SLC35D4: variants seen among roughly 807,000 people sequenced by gnomAD.
SLC35D4 encodes UDP-N-acetylglucosamine transporter SLC35D4.
the SLC35D4 span, among the ~76,000 whole-genome samples, chr18:23,340,473 G>A: frequency 2.0e-5 from 3 of 152,182 alleles, no homozygotes; most frequent in South Asian, 4.1e-4. Flanking sequence ...TTGAGGAGGT[G>A]CTTGTTCACA....
At chr18:23,253,925 C>T in the SLC35D4 span, 1 of 1,613,902 alleles carries the variant, frequency 6.2e-7, no homozygotes, top group African/African-American at 1.3e-5. Flanking sequence ...CGAAGTCAAG[C>T]ATTTAATTGA....
chr18:23,258,543 A>T, the SLC35D4 span: 1 of 152,186 alleles, frequency 6.6e-6, no homozygotes, highest in African/African-American at 2.4e-5. Flanking sequence ...GAGGCATGTC[A>T]CCACACTGTC....
chr18:23,409,346 C>T, the SLC35D4 span, among the ~76,000 whole-genome samples: 2 of 152,162 alleles, frequency 1.3e-5, no homozygotes, highest in South Asian at 2.1e-4. Flanking sequence ...TTATTTACAA[C>T]CTGCTTCACT....
At chr18:23,385,695 TG>T in the SLC35D4 span, among the ~76,000 whole-genome samples, 1 of 152,124 alleles carries the variant, frequency 6.6e-6, no homozygotes, top group African/African-American at 2.4e-5. Context: ...GGAAACAGGA[TG>T]GTTCTGAGGG....
chr18:23,421,449 A>T, the SLC35D4 span: 1 of 1,613,952 alleles, frequency 6.2e-7, no homozygotes, highest in Non-Finnish European at 8.5e-7. Flanking sequence ...TGCCACCTGG[A>T]AAGGACAAGG....
the SLC35D4 span, among the ~76,000 whole-genome samples, chr18:23,288,815 G>A: frequency 6.6e-6 from 1 of 152,238 alleles, no homozygotes; most frequent in Middle Eastern, 3.4e-3. Flanking sequence ...TTGGTATTCA[G>A]TGAAACCTTT....
At chr18:23,276,195 C>CT in the SLC35D4 span, among the ~76,000 whole-genome samples, 1 of 151,920 alleles carries the variant, frequency 6.6e-6, no homozygotes. Context: ...TCACGCCATT[C>CT]TCCTGCCTCA....
the SLC35D4 span, chr18:23,253,116 C>T: frequency 1.0e-6 from 1 of 1,001,392 alleles, no homozygotes; most frequent in South Asian, 1.3e-5. Flanking sequence ...ACCCCTCTTT[C>T]CACACACCGT....
the SLC35D4 span, among the ~76,000 whole-genome samples, chr18:23,429,127 A>G: frequency 3.9e-5 from 6 of 152,276 alleles, no homozygotes; most frequent in African/African-American, 1.4e-4. Flanking sequence ...TGTCTTTGTT[A>G]TTATGCATAG....
the SLC35D4 span, among the ~76,000 whole-genome samples, chr18:23,271,948 T>G: frequency 6.6e-6 from 1 of 152,288 alleles, no homozygotes; most frequent in Middle Eastern, 3.4e-3. Flanking sequence ...GCCCTATGTA[T>G]TTCTTCCATC....
At chr18:23,431,687 T>C in the SLC35D4 span, among the ~76,000 whole-genome samples, 2 of 152,336 alleles carry the variant, frequency 1.3e-5, no homozygotes, top group East Asian at 1.9e-4. Context: ...TTACGGACTT[T>C]TTTTAAACCA....
At chr18:23,275,452 T>C in the SLC35D4 span, among the ~76,000 whole-genome samples, 1 of 152,002 alleles carries the variant, frequency 6.6e-6, no homozygotes, top group Non-Finnish European at 1.5e-5. Context: ...AAACCCGAGG[T>C]GATCATTCAC....
chr18:23,361,007 C>T, the SLC35D4 span, among the ~76,000 whole-genome samples: 1 of 141,024 alleles, frequency 7.1e-6, no homozygotes, highest in African/African-American at 2.6e-5. Flanking sequence ...GAGGCTGACA[C>T]AGGAGAATCA....
At chr18:23,380,993 T>A in the SLC35D4 span, among the ~76,000 whole-genome samples, 1 of 152,348 alleles carries the variant, frequency 6.6e-6, no homozygotes, top group African/African-American at 2.4e-5. Context: ...TGGTAACATT[T>A]AACAGTCTGT....
the SLC35D4 span, among the ~76,000 whole-genome samples, chr18:23,357,939 A>G: frequency 9.6e-4 from 147 of 152,360 alleles, 1 homozygote; most frequent in Non-Finnish European, 1.5e-3. Context: ...GAATAGCTCT[A>G]CTGTCAAACC....
chr18:23,362,769 T>G, the SLC35D4 span, among the ~76,000 whole-genome samples: 2 of 152,226 alleles, frequency 1.3e-5, no homozygotes, highest in African/African-American at 4.8e-5. Context: ...GTCACATCAC[T>G]TAACTCCTCA....
the SLC35D4 span, among the ~76,000 whole-genome samples, chr18:23,402,409 A>C: frequency 6.6e-6 from 1 of 152,244 alleles, no homozygotes. Context: ...AACGGACACC[A>C]GTCAACAATC....
chr18:23,344,025 A>G, the SLC35D4 span, among the ~76,000 whole-genome samples: 18 of 151,912 alleles, frequency 1.2e-4, no homozygotes, highest in Middle Eastern at 3.4e-3. Context: ...CAGCCTCCAG[A>G]GTAGCTGGGA....
chr18:23,255,278 T>G, the SLC35D4 span, among the ~76,000 whole-genome samples: 3 of 152,222 alleles, frequency 2.0e-5, no homozygotes, highest in Admixed American at 1.3e-4. Flanking sequence ...TATCAAAGCA[T>G]CAGAATACAG....
Sources: gnomAD v4.1 joint callset for allele counts (sites outside exome capture counted in the v4.1 genomes callset) on GRCh38, gnomAD v4.1.1 for gene constraint, MANE v1.5 for transcripts, NCBI Gene and HGNC (gene_info 2026-07-23, HGNC 2026-07-21) for gene names.